The following CYP39A1 variants were observed in gnomAD, a reference collection of about 807,000 sequenced individuals.
The protein encoded by CYP39A1 is cytochrome P450 family 39 subfamily A member 1.
In CYP39A1, 49 loss-of-function variants were observed where a neutral mutation model predicts 58.1. The ratio of observed to expected loss-of-function variants is 0.84; its 90% CI spans 0.67 to 1.07. The LOEUF is 1.07. CYP39A1 is among the 50% of genes least tolerant of loss of function. The pLI is 0.00. For missense variants in CYP39A1, 531 were observed against 539.4 expected (o/e 0.98, Z 0.16); for synonymous variants, 209 against 187.6 (o/e 1.11, Z -0.93).
At chr6:46,642,424 A>G (rs1361169051) in intron 1 of CYP39A1, 126 bp from the exon 2 acceptor site, 10 of 900,180 alleles carry the variant, frequency 1.1e-5, no homozygotes, top group Non-Finnish European at 1.6e-5. Context: ...ATATTTGGCA[A>G]TTAGTTATAA....
At position 46,636,370 on chromosome 6, in the gene CYP39A1, A is replaced by G; in HGVS notation, c.732+19T>C. The G allele has an allele frequency of 2.0e-6, 3 of 1,498,556 alleles. No homozygotes were observed. The highest frequency in any genetic ancestry group is 1.8e-6 in the Non-Finnish European group (2 of 1,085,912). 92.8% of individuals were successfully genotyped at this position (1,498,556 alleles called of 1,614,324 possible). On this transcript the variant is annotated intron_variant, in intron 5 of 11. Coordinates refer to ENST00000275016, the MANE Select transcript of CYP39A1 (RefSeq NM_016593.5). ...ATTACTATCTTTACATTAGCAAAAGAAAGGTAAGAAATACTTACCATGGAA... is the reference window on the plus strand; with the variant it reads ...ATTACTATCTTTACATTAGCAAAAGGAAGGTAAGAAATACTTACCATGGAA...
chr6:46,551,485 G>T (rs189302986), intron 11 of CYP39A1, among the ~76,000 whole-genome samples: 1 of 152,066 alleles, frequency 6.6e-6, no homozygotes, highest in Non-Finnish European at 1.5e-5. Context: ...AAATGGAACA[G>T]CCCTCACTGC....
At position 46,549,866 on chromosome 6, in the gene CYP39A1, A is replaced by G. The variant is rs574577223; in HGVS notation, c.*500T>C. On this transcript the variant is annotated 3_prime_UTR_variant, in exon 12 of 12. Coordinates refer to ENST00000275016, the MANE Select transcript of CYP39A1 (RefSeq NM_016593.5). ...GCATTAGATACGTTTACAATAAAGA[A>G]TTATGTTAATAGAGCCTAGGAGTTC... The G allele has an allele frequency of 6.5e-6, 1 of 152,672 alleles. No individual in the cohort carries two copies. Among genetic ancestry groups the G allele is most frequent in the East Asian group, 1.9e-4 (1 of 5,182 alleles). The allele number at this position is 152,672 out of a possible 1,614,324, so 9.5% of individuals were successfully genotyped here. A position where few individuals can be genotyped will look rare whatever the true frequency, so the allele number is the denominator to read the frequency against.
intron 5 of CYP39A1, among the ~76,000 whole-genome samples, 186 bp from the exon 6 acceptor site, chr6:46,631,256 T>C (rs1318319265): frequency 6.6e-6 from 1 of 152,166 alleles, no homozygotes; most frequent in Non-Finnish European, 1.5e-5. Context: ...GAGTAGGGAT[T>C]CTGGAGCTTG....
At position 46,555,754 on chromosome 6, in the gene CYP39A1, T is replaced by C. The variant is rs1462782935; in HGVS notation, c.1251-1900A>G. Among the ~76,000 whole-genome samples, 4 of 152,248 alleles carry C rather than the reference T, an allele frequency of 2.6e-5. No homozygotes were observed. In the East Asian group the frequency reaches 7.7e-4, roughly 29 times the overall value. On this transcript the variant is annotated intron_variant, in intron 10 of 11. Transcript: ENST00000275016. ...ATACATATCAATGATCTCATATTCA[T>C]ATCAAATAATTAGATTTTTCTGCAC... is the stretch of plus-strand genomic sequence containing the variant.
intron 10 of CYP39A1, among the ~76,000 whole-genome samples, chr6:46,563,129 A>T (rs78148028): frequency 6.6e-6 from 1 of 151,978 alleles, no homozygotes; most frequent in Non-Finnish European, 1.5e-5. Context: ...AAAAAAAAAA[A>T]ATACTGTTTT....
chr6:46,602,114 G>A (rs932647100), intron 7 of CYP39A1, among the ~76,000 whole-genome samples: 5 of 152,130 alleles, frequency 3.3e-5, no homozygotes, highest in Non-Finnish European at 7.3e-5. Context: ...CCAGCATACA[G>A]TAGGTACTCT....
In CYP39A1 at chr6:46,652,567, G is replaced by A; in HGVS notation, c.16C>T (p.Pro6Ser). MELIS[P>S]TVIIILGCLA... ...CAACCCAGGATTATAATCACTGTTG[G>A]GGAAATTAGTTCCATGTTTTTGTCC... Residue 6 changes from proline to serine, a missense_variant, in exon 1 of 12, where the codon CCA becomes TCA. Transcript: ENST00000275016. The A allele has an allele frequency of 1.2e-6, 2 of 1,604,558 alleles. No individual in the cohort carries two copies. Among genetic ancestry groups the A allele is most frequent in the South Asian group, 1.1e-5 (1 of 89,288 alleles).
intron 5 of CYP39A1, among the ~76,000 whole-genome samples, chr6:46,634,411 T>C (rs181440981): frequency 6.6e-6 from 1 of 152,094 alleles, no homozygotes; most frequent in South Asian, 2.1e-4. Context: ...CTAATACAAA[T>C]AGGGAGTTAA....
At chr6:46,568,126 G>A (rs78243602) in intron 10 of CYP39A1, among the ~76,000 whole-genome samples, 2 of 151,930 alleles carry the variant, frequency 1.3e-5, no homozygotes, top group African/African-American at 2.4e-5. Flanking sequence ...TATTTCAATG[G>A]AGTTTTGATT....
intron 7 of CYP39A1, among the ~76,000 whole-genome samples, chr6:46,614,393 T>G (rs991545082): frequency 2.6e-5 from 4 of 152,202 alleles, no homozygotes; most frequent in African/African-American, 9.6e-5. Flanking sequence ...TCCCTAGTCC[T>G]TCCGAGTTTC....
intron 7 of CYP39A1, among the ~76,000 whole-genome samples, chr6:46,597,561 C>T (rs1316208174): frequency 6.6e-6 from 1 of 152,014 alleles, no homozygotes; most frequent in African/African-American, 2.4e-5. Flanking sequence ...ATTAAATTAG[C>T]AAATGGTCCA....
rs536325331 is a variant in CYP39A1 at position 46,589,771 on chromosome 6, AT to A, written c.1066-1643del. On this transcript the variant is annotated intron_variant, in intron 8 of 11. Coordinates refer to ENST00000275016, the MANE Select transcript of CYP39A1 (RefSeq NM_016593.5). ...CTGGAATCAGCCACAGAGGGCCGTG[AT>A]GTGTATTTGAGAGCAGGGTTGGGGG... Among the ~76,000 whole-genome samples, 471 of 152,160 alleles carry A rather than the reference AT, an allele frequency of 3.1e-3. 2 individuals carry two copies. The highest frequency in any genetic ancestry group is 0.011 in the African/African-American group (445 of 41,524).
chr6:46,637,061 A>G (rs1582453600), intron 4 of CYP39A1, among the ~76,000 whole-genome samples: 1 of 152,200 alleles, frequency 6.6e-6, no homozygotes, highest in Non-Finnish European at 1.5e-5. Context: ...CCTTATGAAC[A>G]GGGTCTGAGG....
At position 46,588,068 on chromosome 6, in the gene CYP39A1, G is replaced by C. The variant is rs200761123; in HGVS notation, c.1127C>G (p.Pro376Arg). ...CAATTCAGGCTCAGGAAAATACTTT[G>C]GATTTCTATGCAGCCAAAATGGAGA... is the stretch of plus-strand genomic sequence containing the variant. Reference protein sequence around the residue: ...MLSPFWLHRNPKYFPEPELFK... With the variant: ...MLSPFWLHRNRKYFPEPELFK... Residue 376 changes from proline to arginine, a missense_variant, in exon 9 of 12, where the codon CCA (proline) becomes CGA (arginine). By Grantham distance (103) the Pro-to-Arg change is moderately radical. Coordinates refer to ENST00000275016, the MANE Select transcript of CYP39A1 (RefSeq NM_016593.5). The C allele has an allele frequency of 1.3e-4, 211 of 1,588,362 alleles. No homozygotes were observed. The highest frequency in any genetic ancestry group is 1.8e-4 in the Non-Finnish European group (206 of 1,166,638).
intron 7 of CYP39A1, among the ~76,000 whole-genome samples, chr6:46,601,954 C>G (rs1400532213): frequency 6.6e-6 from 1 of 152,110 alleles, no homozygotes; most frequent in Non-Finnish European, 1.5e-5. Flanking sequence ...ACTAACATCT[C>G]CCTAATCACT....
At chr6:46,577,604 A>G (rs533176994) in intron 10 of CYP39A1, among the ~76,000 whole-genome samples, 12 of 152,288 alleles carry the variant, frequency 7.9e-5, no homozygotes, top group Non-Finnish European at 1.8e-4. Context: ...CAAACAGAAA[A>G]TAAAAAAAGA....
intron 10 of CYP39A1, among the ~76,000 whole-genome samples, chr6:46,568,789 C>A (rs1771428262): frequency 6.6e-6 from 1 of 151,996 alleles, no homozygotes; most frequent in South Asian, 2.1e-4. Context: ...TTAATTACTG[C>A]AGCTTTGTAG....
intron 7 of CYP39A1, among the ~76,000 whole-genome samples, chr6:46,616,860 G>A (rs1370176055): frequency 6.6e-6 from 1 of 152,122 alleles, no homozygotes; most frequent in Non-Finnish European, 1.5e-5. Context: ...TGAGATGTGA[G>A]GTCACTGGAT....
Sources: gnomAD v4.1 joint callset for allele counts (sites outside exome capture counted in the v4.1 genomes callset) on GRCh38, gnomAD v4.1.1 for gene constraint, MANE v1.5 for transcripts, NCBI Gene and HGNC (gene_info 2026-07-23, HGNC 2026-07-21) for gene names.